The following CIMAP3 variants were observed in gnomAD, a reference collection of about 807,000 sequenced individuals.
CIMAP3 encodes ciliary microtubule-associated protein 3.
At chr1:111,332,386 A>T in the CIMAP3 span, among the ~76,000 whole-genome samples, 1 of 152,204 alleles carries the variant, frequency 6.6e-6, no homozygotes, top group East Asian at 1.9e-4. Flanking sequence ...GATTGTGGTC[A>T]TATGGCTTCT....
chr1:111,340,287 T>C, the CIMAP3 span, among the ~76,000 whole-genome samples: 3 of 151,558 alleles, frequency 2.0e-5, no homozygotes, highest in Admixed American at 1.3e-4. Flanking sequence ...ATTCAGGACA[T>C]AGGCATGGGC....
chr1:111,338,940 A>C, the CIMAP3 span, among the ~76,000 whole-genome samples: 1 of 152,240 alleles, frequency 6.6e-6, no homozygotes, highest in Non-Finnish European at 1.5e-5. Flanking sequence ...ATGAAATTTG[A>C]TGCAAAAATC....
At chr1:111,326,722 T>C in the CIMAP3 span, among the ~76,000 whole-genome samples, 1 of 152,114 alleles carries the variant, frequency 6.6e-6, no homozygotes, top group Non-Finnish European at 1.5e-5. Flanking sequence ...TATATAAGAG[T>C]TCCCTTTTCT....
At chr1:111,336,571 T>C in the CIMAP3 span, among the ~76,000 whole-genome samples, 10 of 152,168 alleles carry the variant, frequency 6.6e-5, no homozygotes, top group Non-Finnish European at 1.5e-4. Context: ...CAGGAGCCGA[T>C]GCAATCAACT....
At chr1:111,333,000 G>A in the CIMAP3 span, among the ~76,000 whole-genome samples, 57 of 152,350 alleles carry the variant, frequency 3.7e-4, no homozygotes, top group African/African-American at 1.3e-3. Flanking sequence ...GACAGGACAA[G>A]GGCCTGTCTG....
chr1:111,335,150 AAAAG>A, the CIMAP3 span, among the ~76,000 whole-genome samples: 70 of 139,318 alleles, frequency 5.0e-4, 3 homozygotes, highest in Middle Eastern at 3.9e-3. Context: ...AAAAAAAAAA[AAAAG>A]ACAGAAAAAA....
At chr1:111,346,025 A>C in the CIMAP3 span, among the ~76,000 whole-genome samples, 11 of 152,080 alleles carry the variant, frequency 7.2e-5, no homozygotes, top group Non-Finnish European at 1.6e-4. Context: ...TAAAAAAAAA[A>C]CTATTAGAGT....
the CIMAP3 span, among the ~76,000 whole-genome samples, chr1:111,336,707 G>A: frequency 4.1e-4 from 62 of 152,284 alleles, no homozygotes; most frequent in African/African-American, 1.2e-3. Flanking sequence ...TGAAAAGACC[G>A]AATCTTCGTC....
chr1:111,346,488 A>G, the CIMAP3 span: 7 of 972,814 alleles, frequency 7.2e-6, no homozygotes, highest in East Asian at 1.4e-4. Context: ...TTGGGCTCCA[A>G]GGTGCGGGTT....
chr1:111,330,235 G>C, the CIMAP3 span, among the ~76,000 whole-genome samples: 4 of 152,152 alleles, frequency 2.6e-5, no homozygotes, highest in African/African-American at 9.7e-5. Flanking sequence ...AGCTGGTATG[G>C]TCATTTGGAG....
At chr1:111,338,964 T>C in the CIMAP3 span, among the ~76,000 whole-genome samples, 2 of 152,184 alleles carry the variant, frequency 1.3e-5, no homozygotes, top group Non-Finnish European at 2.9e-5. Context: ...AATAAAATAC[T>C]GGCAAACCAA....
At chr1:111,347,502 C>T in the CIMAP3 span, among the ~76,000 whole-genome samples, 1 of 152,096 alleles carries the variant, frequency 6.6e-6, no homozygotes, top group Admixed American at 6.5e-5. Flanking sequence ...TGGTCTTGAC[C>T]TCAAAGGAGT....
At chr1:111,338,571 A>G in the CIMAP3 span, among the ~76,000 whole-genome samples, 4 of 152,328 alleles carry the variant, frequency 2.6e-5, no homozygotes, top group Admixed American at 6.5e-5. Flanking sequence ...GATTACTATA[A>G]ACACCTCTAC....
At chr1:111,349,393 T>A in the CIMAP3 span, 3 of 152,324 alleles carry the variant, frequency 2.0e-5, no homozygotes, top group Non-Finnish European at 2.9e-5. Context: ...ATGGAGGGCA[T>A]GCTGGAGCAC....
chr1:111,332,670 GAC>G, the CIMAP3 span, among the ~76,000 whole-genome samples: 1 of 152,324 alleles, frequency 6.6e-6, no homozygotes, highest in East Asian at 1.9e-4. Context: ...GCTTTTCTGA[GAC>G]ACAGACACAG....
At chr1:111,348,724 TA>T in the CIMAP3 span, 1 of 1,377,602 alleles carries the variant, frequency 7.3e-7, no homozygotes, top group Non-Finnish European at 9.8e-7. Flanking sequence ...AAGAAGCACA[TA>T]AAGAAGGGAT....
chr1:111,331,455 G>T, the CIMAP3 span, among the ~76,000 whole-genome samples: 1 of 152,002 alleles, frequency 6.6e-6, no homozygotes, highest in African/African-American at 2.4e-5. Flanking sequence ...TTCAGAAATT[G>T]TTTCTTCTAC....
the CIMAP3 span, chr1:111,351,488 C>G: frequency 3.2e-4 from 178 of 553,744 alleles, 1 homozygote; most frequent in Non-Finnish European, 8.7e-5. Context: ...AACATAAAGA[C>G]TAGTGCACAG....
chr1:111,330,204 G>C, the CIMAP3 span, among the ~76,000 whole-genome samples: 1 of 152,158 alleles, frequency 6.6e-6, no homozygotes, highest in Non-Finnish European at 1.5e-5. Flanking sequence ...AGTTCAGCCT[G>C]GTTAAAAACT....
Sources: gnomAD v4.1 joint callset for allele counts (sites outside exome capture counted in the v4.1 genomes callset) on GRCh38, gnomAD v4.1.1 for gene constraint, MANE v1.5 for transcripts, NCBI Gene and HGNC (gene_info 2026-07-23, HGNC 2026-07-21) for gene names.